Variants in LRRC7 observed in about 807,000 individuals in gnomAD.
The protein encoded by LRRC7 is leucine rich repeat containing 7.
In LRRC7, 23 loss-of-function variants were observed where a neutral mutation model predicts 175.7. The observed-to-expected ratio is 0.13, with a 90% confidence interval of 0.09 to 0.19. The LOEUF (loss-of-function observed/expected upper bound fraction) is 0.19, where lower values mean the gene tolerates loss of function less well. LRRC7 is among the 10% of genes least tolerant of loss of function. LRRC7 has a pLI of 1.00. For synonymous variants in LRRC7, 685 were observed against 680.9 expected, an observed-to-expected ratio of 1.01 and a Z score of -0.09; for missense variants, 1,354 against 1,904.7, an observed-to-expected ratio of 0.71 and a Z score of 5.38.
At chr1:69,619,035 A>T (rs1650130576) in intron 1 of LRRC7, among the ~76,000 whole-genome samples, 1 of 152,154 alleles carries the variant, frequency 6.6e-6, no homozygotes, top group South Asian at 2.1e-4. Context: ...CTTAGATAAT[A>T]AATGCTTATT....
intron 8 of LRRC7, among the ~76,000 whole-genome samples, chr1:69,940,148 TTA>T (rs1648560266): frequency 6.6e-6 from 1 of 152,156 alleles, no homozygotes; most frequent in African/African-American, 2.4e-5. Flanking sequence ...CTGAAACTAA[TTA>T]CAGAGATACT....
intron 8 of LRRC7, among the ~76,000 whole-genome samples, chr1:69,935,030 G>T (rs1320408716): frequency 2.0e-5 from 3 of 152,194 alleles, no homozygotes; most frequent in Non-Finnish European, 2.9e-5. Flanking sequence ...GCCCAGCCCA[G>T]AGGAGACTAA....
At chr1:69,738,276 A>T (rs1300001591) in intron 2 of LRRC7, among the ~76,000 whole-genome samples, 2 of 151,996 alleles carry the variant, frequency 1.3e-5, no homozygotes, top group African/African-American at 4.8e-5. Flanking sequence ...TAGAGCTGGT[A>T]ATTGGCAGAG....
At chr1:69,972,237 C>T (rs933687146) in intron 8 of LRRC7, among the ~76,000 whole-genome samples, 17 of 152,168 alleles carry the variant, frequency 1.1e-4, no homozygotes, top group Non-Finnish European at 1.6e-4. Flanking sequence ...ACCAAGAACC[C>T]AAAAGCAAAT....
intron 7 of LRRC7, among the ~76,000 whole-genome samples, chr1:69,876,559 T>C (rs1686060945): frequency 6.6e-6 from 1 of 152,158 alleles, no homozygotes; most frequent in Admixed American, 6.6e-5. Flanking sequence ...TACGTCTTGC[T>C]CAAATCTCAA....
In LRRC7 at chr1:69,976,960, C is replaced by T. The variant is rs952614711; in HGVS notation, c.712-3419C>T. Among the ~76,000 whole-genome samples, 6 of 150,396 alleles carry T rather than the reference C, an allele frequency of 4.0e-5. No individual in the cohort carries two copies. In the South Asian group the frequency reaches 1.3e-3, roughly 33 times the overall value. On this transcript the variant is annotated intron_variant, in intron 8 of 26. Transcript: ENST00000651989. ...CTTCAGATTTTGATGCCAACTGATTCCTGGTAATCTCCACCTATGTCCTCC... is the reference window on the plus strand; with the variant it reads ...CTTCAGATTTTGATGCCAACTGATTTCTGGTAATCTCCACCTATGTCCTCC...
At chr1:69,971,117 G>A (rs1363925080) in intron 8 of LRRC7, among the ~76,000 whole-genome samples, 2 of 152,026 alleles carry the variant, frequency 1.3e-5, no homozygotes, top group Non-Finnish European at 2.9e-5. Flanking sequence ...CAGCATACAA[G>A]GACATACCTC....
In LRRC7 at chr1:69,909,562, T is replaced by C. The variant is rs146195334; in HGVS notation, c.648-21945T>C. Among the ~76,000 whole-genome samples, 729 of 152,316 alleles carry C rather than the reference T, an allele frequency of 4.8e-3. 10 individuals are homozygous for C. Among genetic ancestry groups the C allele is most frequent in the African/African-American group, 0.016 (675 of 41,560 alleles). ...TTTGGCTGGATATGAAATTCTGGGT[T>C]GAAAATTCTTTTCTTTAAACATGTT... is the stretch of plus-strand genomic sequence containing the variant. On this transcript the variant is annotated intron_variant, in intron 7 of 26. Coordinates refer to ENST00000651989, the MANE Select transcript of LRRC7 (RefSeq NM_001370785.2).
At chr1:69,750,343 G>A (rs112670253) in intron 2 of LRRC7, among the ~76,000 whole-genome samples, 3,855 of 151,844 alleles carry the variant, frequency 0.025, 72 homozygotes, top group Admixed American at 0.054. Flanking sequence ...ACAAAGAAAT[G>A]ATAAATGTTT....
Position 70,130,496 on chromosome 1 carries a change from C to G in LRRC7, c.*8609C>G, listed in dbSNP as rs772669579. The stretch of plus-strand genomic sequence containing the variant: ...AAATTCCCAGTTAAAAAAAATTTCT[C>G]CTTTTTAAATCAGTCTTCCTCCTCT... On this transcript the variant is annotated 3_prime_UTR_variant, in exon 27 of 27. Transcript: ENST00000651989. Among the ~76,000 whole-genome samples, 20 of 152,162 alleles carry G rather than the reference C, an allele frequency of 1.3e-4. No homozygotes were observed. The highest frequency in any genetic ancestry group is 2.9e-4 in the Non-Finnish European group (20 of 68,016).
chr1:69,988,340 C>T (rs1259025037), intron 10 of LRRC7, among the ~76,000 whole-genome samples: 2 of 151,944 alleles, frequency 1.3e-5, no homozygotes, highest in Non-Finnish European at 2.9e-5. Context: ...AAGGTTGAGA[C>T]AAGAGGATTG....
At chr1:69,819,643 C>T (rs956110775) in intron 4 of LRRC7, among the ~76,000 whole-genome samples, 1 of 149,220 alleles carries the variant, frequency 6.7e-6, no homozygotes, top group African/African-American at 2.5e-5. Context: ...CTGTTGCAAG[C>T]AGGGTATCGA....
chr1:69,701,709 C>T (rs1663379675), intron 2 of LRRC7, among the ~76,000 whole-genome samples: 1 of 152,076 alleles, frequency 6.6e-6, no homozygotes, highest in Admixed American at 6.6e-5. Context: ...AATAAAAGTC[C>T]TGAAAACAAG....
At chr1:69,906,116 T>C (rs529583694) in intron 7 of LRRC7, among the ~76,000 whole-genome samples, 1 of 152,342 alleles carries the variant, frequency 6.6e-6, no homozygotes, top group African/African-American at 2.4e-5. Flanking sequence ...TTTGTTTTTT[T>C]CTTGTAAATT....
chr1:69,755,331 A>AAT (rs763013593), intron 2 of LRRC7, among the ~76,000 whole-genome samples: 8 of 150,494 alleles, frequency 5.3e-5, no homozygotes, highest in Non-Finnish European at 8.9e-5. Context: ...AACCAAAAGG[A>AAT]ATATATATAT....
rs1666411686 is a variant in LRRC7, at chr1:70,125,649, GGGC to G, written c.*3764_*3766del. Among the ~76,000 whole-genome samples the G allele has an allele frequency of 6.6e-6, 1 of 150,882 alleles. No individual in the cohort carries two copies. Among genetic ancestry groups the G allele is most frequent in the South Asian group, 2.1e-4 (1 of 4,722 alleles). On this transcript the variant is annotated 3_prime_UTR_variant, in exon 27 of 27. Coordinates refer to ENST00000651989, the MANE Select transcript of LRRC7 (RefSeq NM_001370785.2). ...CTACTAAAAATACAAAAAATTAGCC[GGGC>G]GTAGTGGCGGGCGCCTGTAGTCCCA...
Position 69,819,686 on chromosome 1 carries a change from C to A in LRRC7, c.422-6062C>A, listed in dbSNP as rs185677707. The stretch of plus-strand genomic sequence containing the variant: ...ACTATTATTATATTTTATTTCATTT[C>A]TCCTTTCAGTCTGTCAATGCTTGCT... On this transcript the variant is annotated intron_variant, in intron 4 of 26. Transcript: ENST00000651989. Among the ~76,000 whole-genome samples, 245 of 151,410 alleles carry A rather than the reference C, an allele frequency of 1.6e-3. 2 individuals are homozygous for A. Among genetic ancestry groups the A allele is most frequent in the African/African-American group, 5.7e-3 (236 of 41,282 alleles).
In LRRC7 at chr1:69,755,081, C is replaced by T. The variant is rs981414983; in HGVS notation, c.101-5110C>T. 3.3e-5 allele frequency among the ~76,000 whole-genome samples: 5 copies of T among 151,884 alleles called. No homozygotes were observed. In the South Asian group the frequency reaches 8.3e-4, roughly 25 times the overall value. On this transcript the variant is annotated intron_variant, in intron 2 of 26. Transcript: ENST00000651989. ...GTGTCAGAAGAGTTGATGTCAGGGA[C>T]GCCAAAGGAAGAGTGTTTTTAAAAG...
chr1:70,026,593 CT>C lies in LRRC7; in HGVS notation c.1795-1570del, dbSNP rs533051361. On this transcript the variant is annotated intron_variant, in intron 17 of 26. Transcript: ENST00000651989. ...TTATACTACAATCTAACAACTTACA[CT>C]TTTTTTTCTGTCAATTCTAACTTTG... is the stretch of plus-strand genomic sequence containing the variant. 4.6e-3 allele frequency among the ~76,000 whole-genome samples: 703 copies of C among 151,892 alleles called. 3 individuals are homozygous for C. Among genetic ancestry groups the C allele is most frequent in the African/African-American group, 0.015 (635 of 41,448 alleles).
Sources: allele counts gnomAD v4.1 joint callset (sites outside exome capture counted in the v4.1 genomes callset), GRCh38; gene constraint gnomAD v4.1.1; transcripts MANE v1.5; gene names NCBI Gene and HGNC (gene_info 2026-07-23, HGNC 2026-07-21).